Variants in PBRM1 observed in about 807,000 individuals in gnomAD.
The protein encoded by PBRM1 is protein polybromo-1.
PBRM1 carries 27 observed loss-of-function variants against 194.5 expected under a neutral mutation model. The observed-to-expected ratio is 0.14, with a 90% CI of 0.10 to 0.19. The LOEUF (loss-of-function observed/expected upper bound fraction) is 0.19, where lower values mean the gene tolerates loss of function less well. Among genes scored for constraint, PBRM1 ranks in the 10% least tolerant of loss-of-function variants. The pLI is 1.00. For missense variants in PBRM1, 1,466 were observed against 2,077.2 expected, an observed-to-expected ratio of 0.71 and a Z score of 5.72; for synonymous variants, 655 against 693.2, an observed-to-expected ratio of 0.94 and a Z score of 0.87.
chr3:52,619,680 C>T (rs2095175649), intron 13 of PBRM1, among the ~76,000 whole-genome samples: 1 of 152,190 alleles, frequency 6.6e-6, no homozygotes, highest in African/African-American at 2.4e-5. Flanking sequence ...AGTCCCCTGA[C>T]TACTTGCACT....
chr3:52,595,472 T>A (rs964203913), intron 17 of PBRM1, among the ~76,000 whole-genome samples: 2 of 152,262 alleles, frequency 1.3e-5, no homozygotes, highest in Admixed American at 1.3e-4. Context: ...GCCATTTGTA[T>A]GTCTCCTTTT....
In PBRM1 at chr3:52,643,236, T is replaced by C; in HGVS notation, c.995+12A>G. The C allele has an allele frequency of 6.3e-7, 1 of 1,581,804 alleles. No homozygotes were observed. Among genetic ancestry groups the C allele is most frequent in the South Asian group, 1.1e-5 (1 of 90,408 alleles). On this transcript the variant is annotated intron_variant, in intron 9 of 29. Transcript: ENST00000296302. ...ACAGGTCAACTCTCAGACTAAACAC[T>C]CTTTTTCTCACCGGTAATACTTGCT...
chr3:52,650,912 T>C (rs1403292683), intron 6 of PBRM1, among the ~76,000 whole-genome samples: 1 of 152,182 alleles, frequency 6.6e-6, no homozygotes, highest in Non-Finnish European at 1.5e-5. Context: ...TTTTAAATCC[T>C]AGTCACTCAG....
intron 17 of PBRM1, among the ~76,000 whole-genome samples, chr3:52,599,965 C>A (rs2093873163): frequency 6.6e-6 from 1 of 151,898 alleles, no homozygotes; most frequent in South Asian, 2.1e-4. Flanking sequence ...ATAACAAAAT[C>A]TGCCTTTTAA....
intron 10 of PBRM1, among the ~76,000 whole-genome samples, chr3:52,641,300 A>T (rs1477114846): frequency 6.6e-6 from 1 of 151,890 alleles, no homozygotes; most frequent in Non-Finnish European, 1.5e-5. Flanking sequence ...CACAAAAATT[A>T]GCCAGGTGTG....
chr3:52,570,489 A>G (rs1361628236), intron 22 of PBRM1, among the ~76,000 whole-genome samples: 4 of 152,256 alleles, frequency 2.6e-5, no homozygotes, highest in African/African-American at 7.2e-5. Context: ...CATATTTTAT[A>G]GAAGGAAAAA....
At chr3:52,605,002 A>C (rs2094255205) in intron 16 of PBRM1, among the ~76,000 whole-genome samples, 1 of 120,342 alleles carries the variant, frequency 8.3e-6, no homozygotes, top group Non-Finnish European at 1.9e-5. Context: ...AAATGTGGGG[A>C]GTGGGCAAAA....
chr3:52,677,745 G>A (rs1221941659), intron 2 of PBRM1, among the ~76,000 whole-genome samples: 3 of 152,258 alleles, frequency 2.0e-5, no homozygotes, highest in Middle Eastern at 3.4e-3. Flanking sequence ...TTTTTTAGTA[G>A]AGACAGGGTT....
chr3:52,585,988 TAG>T (rs1463493074), intron 20 of PBRM1: 1 of 153,330 alleles, frequency 6.5e-6, no homozygotes, highest in Non-Finnish European at 1.5e-5. Context: ...CAGGCTGGAG[TAG>T]AGTGGCGTGG....
intron 3 of PBRM1, among the ~76,000 whole-genome samples, chr3:52,667,537 G>C (rs1007284431): frequency 6.6e-6 from 1 of 152,112 alleles, no homozygotes; most frequent in African/African-American, 2.4e-5. Context: ...TGGATCACTT[G>C]AGGTCAGGAG....
intron 24 of PBRM1, 126 bp from the exon 27 acceptor site, chr3:52,562,094 G>A (rs903070848): frequency 8.6e-6 from 6 of 696,790 alleles, no homozygotes; most frequent in Admixed American, 2.1e-5. Context: ...GGCCGAGACA[G>A]GTGGATCACA....
chr3:52,665,700 C>G (rs985015945), intron 3 of PBRM1, among the ~76,000 whole-genome samples: 3 of 152,118 alleles, frequency 2.0e-5, no homozygotes, highest in Non-Finnish European at 4.4e-5. Context: ...AATCTAATGC[C>G]TGATGACATG....
intron 17 of PBRM1, among the ~76,000 whole-genome samples, chr3:52,592,130 T>G (rs949880286): frequency 2.0e-5 from 3 of 149,096 alleles, no homozygotes; most frequent in South Asian, 2.1e-4. Flanking sequence ...AGGTTTTTTT[T>G]TTTTTTTTTT....
chr3:52,580,272 G>A (rs1254899848), intron 20 of PBRM1, among the ~76,000 whole-genome samples: 1 of 152,054 alleles, frequency 6.6e-6, no homozygotes, highest in African/African-American at 2.4e-5. Context: ...AAAAACAACT[G>A]ATAGATCTAA....
intron 8 of PBRM1, among the ~76,000 whole-genome samples, chr3:52,643,829 G>C (rs182191988): frequency 6.6e-6 from 1 of 152,178 alleles, no homozygotes; most frequent in Non-Finnish European, 1.5e-5. Context: ...AAGATTAGCC[G>C]GGCATGGTGG....
chr3:52,601,515 G>A (rs1379405935), intron 17 of PBRM1, among the ~76,000 whole-genome samples: 1 of 152,072 alleles, frequency 6.6e-6, no homozygotes, highest in African/African-American at 2.4e-5. Flanking sequence ...AACAGGAAGC[G>A]GAGCTCAGGG....
intron 5 of PBRM1, among the ~76,000 whole-genome samples, chr3:52,652,773 G>A (rs1009656479): frequency 2.6e-5 from 4 of 152,148 alleles, no homozygotes; most frequent in Admixed American, 6.5e-5. Context: ...TGAGGCAGCT[G>A]GATCACTTGA....
intron 17 of PBRM1, among the ~76,000 whole-genome samples, chr3:52,593,271 A>C (rs2093270472): frequency 6.6e-6 from 1 of 150,578 alleles, no homozygotes; most frequent in South Asian, 2.1e-4. Flanking sequence ...TTTTTTTTTT[A>C]AACAAGAGTC....
chr3:52,603,204 T>G (rs987823450), intron 17 of PBRM1, among the ~76,000 whole-genome samples: 1 of 152,246 alleles, frequency 6.6e-6, no homozygotes, highest in African/African-American at 2.4e-5. Flanking sequence ...GAATGCTTTC[T>G]AGTTCTAGCT....
Sources: allele counts gnomAD v4.1 joint callset (sites outside exome capture counted in the v4.1 genomes callset), GRCh38; gene constraint gnomAD v4.1.1; transcripts MANE v1.5; gene names NCBI Gene and HGNC (gene_info 2026-07-23, HGNC 2026-07-21).